The following TMEM232 variants were observed in gnomAD, a reference collection of about 807,000 sequenced individuals.
The protein encoded by TMEM232 is transmembrane protein 232.
In TMEM232, 80 loss-of-function variants were observed where a neutral mutation model predicts 78.8. The observed-to-expected ratio is 1.01, with a 90% CI of 0.85 to 1.22. The LOEUF is 1.22. Among genes scored for constraint, TMEM232 ranks in the 50% most tolerant of loss-of-function variants. The pLI is 0.00. For synonymous variants in TMEM232, 297 were observed against 254.3 expected (o/e 1.17, Z -1.60); for missense variants, 881 against 742.2 (o/e 1.19, Z -2.17).
chr5:110,528,629 C>G lies in TMEM232; in HGVS notation c.1662G>C (p.Lys554Asn). 6.5e-7 allele frequency: 1 copy of G among 1,532,998 alleles called. No individual in the cohort carries two copies. The highest frequency in any genetic ancestry group is 8.7e-7 in the Non-Finnish European group (1 of 1,145,252). The allele number at this position is 1,532,998 out of a possible 1,614,324, so 95.0% of individuals were successfully genotyped here. ...KKDQTKYPNK[K>N]LESVKKQVLH... is the part of the protein sequence containing the mutation. Reference sequence around the variant, plus strand: ...GAACTTGCTTTTTCACAGACTCCAGCTTTTTATTTGGATATTTTGTTTGAT... The same window carrying G: ...GAACTTGCTTTTTCACAGACTCCAGGTTTTTATTTGGATATTTTGTTTGAT... Residue 554 changes from lysine to asparagine, a missense_variant, in exon 12 of 14, where the codon AAG becomes AAC. Transcript: ENST00000455884.
At chr5:110,660,617 G>A (rs1789650024) in intron 2 of TMEM232, among the ~76,000 whole-genome samples, 1 of 151,978 alleles carries the variant, frequency 6.6e-6, no homozygotes, top group Non-Finnish European at 1.5e-5. Context: ...ATACCAGATA[G>A]TTTGACAAAA....
chr5:110,596,808 G>C (rs375158731), intron 10 of TMEM232, among the ~76,000 whole-genome samples: 2 of 152,024 alleles, frequency 1.3e-5, no homozygotes, highest in African/African-American at 4.8e-5. Context: ...TTGACAAAAT[G>C]CAACAACTCT....
At chr5:110,388,138 C>G (rs1755051613) in intron 4 of TMEM232, 1 of 152,154 alleles carries the variant, frequency 6.6e-6, no homozygotes, top group African/African-American at 2.4e-5. Flanking sequence ...CAGACCGCAG[C>G]AGATTTTATT....
intron 12 of TMEM232, among the ~76,000 whole-genome samples, chr5:110,447,361 C>G (rs915148349): frequency 3.9e-5 from 6 of 151,964 alleles, no homozygotes; most frequent in Admixed American, 2.0e-4. Flanking sequence ...AGGTTAGGCA[C>G]TGTGGTTATC....
chr5:110,446,132 A>T (rs529611705), intron 12 of TMEM232, among the ~76,000 whole-genome samples: 14 of 152,094 alleles, frequency 9.2e-5, no homozygotes, highest in Middle Eastern at 3.2e-3. Context: ...TTTCTTGTCC[A>T]GGACAAAGAC....
intron 12 of TMEM232, among the ~76,000 whole-genome samples, chr5:110,445,469 A>C (rs2112787628): frequency 6.6e-6 from 1 of 152,300 alleles, no homozygotes; most frequent in South Asian, 2.1e-4. Flanking sequence ...AAAATAATAC[A>C]AAGTCAATTG....
At chr5:110,435,714 T>C (rs1378852867) in intron 12 of TMEM232, among the ~76,000 whole-genome samples, 1 of 151,946 alleles carries the variant, frequency 6.6e-6, no homozygotes, top group Non-Finnish European at 1.5e-5. Context: ...GTGATGTTTG[T>C]CTTTCTGTGC....
intron 12 of TMEM232, among the ~76,000 whole-genome samples, chr5:110,442,970 A>G (rs1441008494): frequency 6.6e-6 from 1 of 152,172 alleles, no homozygotes. Flanking sequence ...ACCTGGAACC[A>G]GGGGTGTGGT....
At chr5:110,424,708 G>C in intron 13 of TMEM232, 115 bp downstream of exon 13, 2 of 813,084 alleles carry the variant, frequency 2.5e-6, no homozygotes, top group Non-Finnish European at 3.8e-6. Context: ...ACCAATCATG[G>C]CTCTACTTTT....
chr5:110,563,990 A>C (rs939045380), intron 11 of TMEM232, among the ~76,000 whole-genome samples: 2 of 152,042 alleles, frequency 1.3e-5, no homozygotes, highest in African/African-American at 4.8e-5. Flanking sequence ...TTAAAAAGCA[A>C]AGAGTTTAAG....
rs114883242 is a variant in TMEM232 at position 110,676,025 on chromosome 5, T to C, written c.-12-8661A>G. On this transcript the variant is annotated intron_variant, in intron 1 of 13. Coordinates refer to ENST00000455884, the MANE Select transcript of TMEM232 (RefSeq NM_001039763.4). Reference sequence around the variant, plus strand: ...TATAAGTGAAAACATGGCATATTTTTCTTTCCATGTTGGGCTTATTTCACT... The same window carrying C: ...TATAAGTGAAAACATGGCATATTTTCCTTTCCATGTTGGGCTTATTTCACT... Among the ~76,000 whole-genome samples the C allele has an allele frequency of 5.6e-3, 858 of 152,362 alleles. 14 individuals are homozygous for C. Among genetic ancestry groups the C allele is most frequent in the African/African-American group, 0.02 (838 of 41,584 alleles).
chr5:110,634,441 G>A (rs555867789), intron 5 of TMEM232, among the ~76,000 whole-genome samples: 2 of 151,992 alleles, frequency 1.3e-5, no homozygotes, highest in African/African-American at 2.4e-5. Context: ...TAGATCATAT[G>A]CTAGGCAAAA....
intron 1 of TMEM232, chr5:110,684,759 A>AT (rs1793181606): frequency 6.6e-6 from 1 of 152,138 alleles, no homozygotes; most frequent in Non-Finnish European, 1.5e-5. Flanking sequence ...TTTTTCCCAA[A>AT]CACACAAGAA....
At chr5:110,566,276 T>C (rs1056886075) in intron 11 of TMEM232, among the ~76,000 whole-genome samples, 1 of 151,930 alleles carries the variant, frequency 6.6e-6, no homozygotes, top group African/African-American at 2.4e-5. Flanking sequence ...AAGACTGTGA[T>C]GGGAGGGGCT....
chr5:110,542,258 T>C (rs1773229731), intron 11 of TMEM232, among the ~76,000 whole-genome samples: 1 of 152,220 alleles, frequency 6.6e-6, no homozygotes, highest in African/African-American at 2.4e-5. Context: ...TTGTATTTTT[T>C]ATAGTTCATT....
At chr5:110,661,687 A>G (rs1368644370) in intron 2 of TMEM232, among the ~76,000 whole-genome samples, 1 of 152,184 alleles carries the variant, frequency 6.6e-6, no homozygotes, top group Non-Finnish European at 1.5e-5. Context: ...ATGGGATGAT[A>G]TGACAATTCT....
In TMEM232 at chr5:110,420,398, T is replaced by C; in HGVS notation, c.*182A>G. On this transcript the variant is annotated 3_prime_UTR_variant, in exon 14 of 14. Transcript: ENST00000455884. ...AGTGTGATTAAAAGTTGGTCATTAA[T>C]TTAGAACTAAGAAATAACTATTAAA... is the stretch of plus-strand genomic sequence containing the variant. The C allele has an allele frequency of 2.1e-6, 1 of 467,604 alleles. No individual in the cohort carries two copies. The highest frequency in any genetic ancestry group is 3.6e-6 in the Non-Finnish European group (1 of 275,202). The allele number at this position is 467,604 out of a possible 1,614,324, so 29.0% of individuals were successfully genotyped here.
At chr5:110,691,753 T>C (rs909355777) in intron 1 of TMEM232, among the ~76,000 whole-genome samples, 7 of 152,230 alleles carry the variant, frequency 4.6e-5, no homozygotes, top group Non-Finnish European at 1.0e-4. Context: ...CTACATACCG[T>C]AACCACATAT....
chr5:110,459,428 G>GT (rs1344333621), intron 12 of TMEM232, among the ~76,000 whole-genome samples: 1 of 152,006 alleles, frequency 6.6e-6, no homozygotes, highest in Non-Finnish European at 1.5e-5. Context: ...AATAAGTCCT[G>GT]TTTTTTATCT....
Sources: gnomAD v4.1 joint callset for allele counts (sites outside exome capture counted in the v4.1 genomes callset) on GRCh38, gnomAD v4.1.1 for gene constraint, MANE v1.5 for transcripts, NCBI Gene and HGNC (gene_info 2026-07-23, HGNC 2026-07-21) for gene names.